DNAJC1: variants seen among roughly 807,000 people sequenced by gnomAD.
DNAJC1 encodes dnaJ homolog subfamily C member 1.
In DNAJC1, 58 loss-of-function variants were observed where a neutral mutation model predicts 76.6. The ratio of observed to expected loss-of-function variants is 0.76; its 90% CI spans 0.61 to 0.94. The LOEUF (loss-of-function observed/expected upper bound fraction) is 0.94. Among genes scored for constraint, DNAJC1 ranks in the 40% least tolerant of loss-of-function variants. The probability of loss-of-function intolerance (pLI) is 0.00; values close to 1 mark genes in which losing one functional copy is unlikely to be tolerated. For missense variants in DNAJC1, 689 were observed against 677.3 expected (o/e 1.02, Z -0.19); for synonymous variants, 258 against 267.9 (o/e 0.96, Z 0.36).
chr10:21,911,052 G>A (rs1371053095), intron 6 of DNAJC1, among the ~76,000 whole-genome samples: 13 of 22,364 alleles, frequency 5.8e-4, no homozygotes, highest in African/African-American at 3.3e-3. Flanking sequence ...AGGAAGGAAG[G>A]AAGGAAGGAA....
At chr10:21,827,793 C>T (rs886932177) in intron 8 of DNAJC1, among the ~76,000 whole-genome samples, 3 of 152,214 alleles carry the variant, frequency 2.0e-5, no homozygotes, top group Non-Finnish European at 4.4e-5. Context: ...GTTTGGGATA[C>T]TATTCAACCC....
chr10:21,958,805 GA>G lies in DNAJC1; in HGVS notation c.223-29665del, dbSNP rs934727869. On this transcript the variant is annotated intron_variant, in intron 1 of 11. Coordinates refer to ENST00000376980, the MANE Select transcript of DNAJC1 (RefSeq NM_022365.4). ...ATATATTTAAACGTCAGATTTGGCA[GA>G]AAAAAAAATCACTATTTTTTTTGCA... 1.1e-4 allele frequency among the ~76,000 whole-genome samples: 17 copies of G among 150,846 alleles called. No individual in the cohort carries two copies. In the East Asian group the frequency reaches 2.1e-3, roughly 19 times the overall value.
At chr10:21,765,254 T>TG (rs980348952) in intron 10 of DNAJC1, among the ~76,000 whole-genome samples, 3 of 152,182 alleles carry the variant, frequency 2.0e-5, no homozygotes, top group Non-Finnish European at 2.9e-5. Context: ...TTTTCAGAAA[T>TG]GGGGGGTCTC....
intron 7 of DNAJC1, among the ~76,000 whole-genome samples, chr10:21,901,701 A>G (rs1836658060): frequency 6.6e-6 from 1 of 152,210 alleles, no homozygotes; most frequent in African/African-American, 2.4e-5. Context: ...ATACTGTACA[A>G]TCTAAGCAGT....
At chr10:21,847,768 T>G (rs192826119) in intron 8 of DNAJC1, among the ~76,000 whole-genome samples, 1 of 152,238 alleles carries the variant, frequency 6.6e-6, no homozygotes, top group African/African-American at 2.4e-5. Flanking sequence ...TAACAGAATT[T>G]CATTCTTTTT....
chr10:21,952,894 C>CT (rs1305428145), intron 1 of DNAJC1, among the ~76,000 whole-genome samples: 1 of 152,154 alleles, frequency 6.6e-6, no homozygotes, highest in Non-Finnish European at 1.5e-5. Context: ...ACTATTCTTT[C>CT]TTTTTTTAAA....
rs115800212 is a variant in DNAJC1 at position 21,948,700 on chromosome 10, T to C, written c.223-19559A>G. The stretch of plus-strand genomic sequence containing the variant: ...CTAATTTATAAATTGAACTTTATCA[T>C]AAGATATGAATATATAGGAAAAAAC... On this transcript the variant is annotated intron_variant, in intron 1 of 11. Transcript: ENST00000376980. 7.7e-3 allele frequency among the ~76,000 whole-genome samples: 1,173 copies of C among 152,354 alleles called. 14 individuals are homozygous for C. Among genetic ancestry groups the C allele is most frequent in the African/African-American group, 0.026 (1,085 of 41,586 alleles).
chr10:21,966,469 T>C (rs1837891197), intron 1 of DNAJC1, among the ~76,000 whole-genome samples: 1 of 151,674 alleles, frequency 6.6e-6, no homozygotes, highest in South Asian at 2.1e-4. Flanking sequence ...TTAACCTTTG[T>C]TAACTGGGAT....
intron 8 of DNAJC1, among the ~76,000 whole-genome samples, chr10:21,880,261 C>T (rs549885047): frequency 2.2e-4 from 34 of 152,342 alleles, no homozygotes; most frequent in Admixed American, 1.1e-3. Flanking sequence ...AACCCAAAGT[C>T]ATCCATGAGG....
chr10:21,950,042 C>CTTTT (rs987144976), intron 1 of DNAJC1, among the ~76,000 whole-genome samples: 1 of 142,924 alleles, frequency 7.0e-6, no homozygotes, highest in Admixed American at 7.0e-5. Context: ...TCCACAGAAT[C>CTTTT]TTTTTTTTTT....
intron 8 of DNAJC1, among the ~76,000 whole-genome samples, chr10:21,826,677 T>A (rs1835262672): frequency 6.6e-6 from 1 of 152,232 alleles, no homozygotes; most frequent in African/African-American, 2.4e-5. Flanking sequence ...TAAATTTTTC[T>A]ATATACTATA....
intron 1 of DNAJC1, among the ~76,000 whole-genome samples, chr10:21,960,919 G>A (rs1329684711): frequency 6.6e-6 from 1 of 152,064 alleles, no homozygotes; most frequent in Non-Finnish European, 1.5e-5. Flanking sequence ...AAAAAAATGG[G>A]CAAAGGATTT....
chr10:21,770,116 C>T (rs982766351), intron 9 of DNAJC1, among the ~76,000 whole-genome samples: 9 of 152,160 alleles, frequency 5.9e-5, no homozygotes, highest in Admixed American at 4.6e-4. Flanking sequence ...CCTTCCCCAA[C>T]GAGTTGCTTC....
chr10:21,932,884 G>C (rs560734861), intron 1 of DNAJC1, among the ~76,000 whole-genome samples: 2 of 152,320 alleles, frequency 1.3e-5, no homozygotes, highest in East Asian at 3.9e-4. Context: ...ACAGGCATGA[G>C]CCACCATGCC....
intron 1 of DNAJC1, among the ~76,000 whole-genome samples, chr10:21,948,646 T>C (rs980693235): frequency 8.5e-5 from 13 of 152,228 alleles, no homozygotes; most frequent in Non-Finnish European, 1.8e-4. Flanking sequence ...GTAATTGTTC[T>C]ATTATTATTC....
intron 9 of DNAJC1, among the ~76,000 whole-genome samples, chr10:21,781,448 G>A (rs1834526120): frequency 1.3e-5 from 2 of 152,288 alleles, no homozygotes; most frequent in South Asian, 2.1e-4. Flanking sequence ...CTCGCCGGGC[G>A]CGGTGGCTCA....
intron 7 of DNAJC1, among the ~76,000 whole-genome samples, chr10:21,902,988 C>T (rs921661699): frequency 6.6e-6 from 1 of 151,954 alleles, no homozygotes; most frequent in Non-Finnish European, 1.5e-5. Context: ...AGTGCCATGG[C>T]GTGATCTTGG....
Position 21,949,578 on chromosome 10 carries a change from G to A in DNAJC1, c.223-20437C>T, listed in dbSNP as rs146849593. ...ATTACAGGCACCTGCCACCATGCCCGGCTAATTTTTGTATTTTTAGTAGAG... is the reference window on the plus strand; with the variant it reads ...ATTACAGGCACCTGCCACCATGCCCAGCTAATTTTTGTATTTTTAGTAGAG... On this transcript the variant is annotated intron_variant, in intron 1 of 11. Transcript: ENST00000376980. 4.4e-3 allele frequency among the ~76,000 whole-genome samples: 665 copies of A among 151,542 alleles called. 4 individuals are homozygous for A. The highest frequency in any genetic ancestry group is 0.015 in the African/African-American group (628 of 41,304).
intron 9 of DNAJC1, among the ~76,000 whole-genome samples, chr10:21,801,576 G>A (rs559900077): frequency 7.9e-5 from 12 of 152,242 alleles, no homozygotes; most frequent in African/African-American, 2.4e-4. Flanking sequence ...GCAGTATGGC[G>A]ATTCCTCAAA....
Sources: allele counts gnomAD v4.1 joint callset (sites outside exome capture counted in the v4.1 genomes callset), GRCh38; gene constraint gnomAD v4.1.1; transcripts MANE v1.5; gene names NCBI Gene and HGNC (gene_info 2026-07-23, HGNC 2026-07-21).